Variants in FANCC observed in about 807,000 individuals in gnomAD.
FANCC encodes the protein FA complementation group C.
A neutral mutation model predicts 71.3 loss-of-function variants in FANCC; 55 were observed. The observed-to-expected ratio is 0.77, with a 90% CI of 0.62 to 0.97. The LOEUF is 0.97. FANCC is among the 50% of genes least tolerant of loss of function. FANCC has a pLI of 0.00. For synonymous variants in FANCC, 275 were observed against 244.9 expected, an observed-to-expected ratio of 1.12 and a Z score of -1.15; for missense variants, 678 against 670.9, an observed-to-expected ratio of 1.01 and a Z score of -0.12.
At chr9:95,195,123 G>A (rs907148445) in intron 4 of FANCC, among the ~76,000 whole-genome samples, 2 of 150,348 alleles carry the variant, frequency 1.3e-5, no homozygotes, top group Non-Finnish European at 2.9e-5. Flanking sequence ...ACTTGAACCC[G>A]GGAGGCAGAG....
intron 4 of FANCC, among the ~76,000 whole-genome samples, chr9:95,209,107 A>G (rs1440299125): frequency 2.0e-5 from 3 of 152,334 alleles, no homozygotes; most frequent in African/African-American, 7.2e-5. Flanking sequence ...TGATATTACT[A>G]AATGAAAGAA....
At chr9:95,139,834 T>TTATA (rs539221326) in intron 7 of FANCC, among the ~76,000 whole-genome samples, 35 of 143,158 alleles carry the variant, frequency 2.4e-4, no homozygotes, top group South Asian at 1.3e-3. Flanking sequence ...ATATATATAT[T>TTATA]TATATATATA....
At chr9:95,157,606 T>C (rs1830520088) in intron 6 of FANCC, among the ~76,000 whole-genome samples, 1 of 152,226 alleles carries the variant, frequency 6.6e-6, no homozygotes, top group Non-Finnish European at 1.5e-5. Flanking sequence ...AGAAATTATT[T>C]GGAAGTGCTG....
chr9:95,210,268 G>T (rs1051743847), intron 4 of FANCC, among the ~76,000 whole-genome samples: 1 of 152,102 alleles, frequency 6.6e-6, no homozygotes, highest in African/African-American at 2.4e-5. Context: ...CAGTTATGTG[G>T]ATGATATTGA....
At chr9:95,282,909 T>A (rs1833455576) in intron 1 of FANCC, among the ~76,000 whole-genome samples, 1 of 151,960 alleles carries the variant, frequency 6.6e-6, no homozygotes, top group Non-Finnish European at 1.5e-5. Context: ...ACATACCAAA[T>A]CCTATGGGAT....
chr9:95,298,574 C>G (rs1372032925), intron 1 of FANCC, among the ~76,000 whole-genome samples: 1 of 152,132 alleles, frequency 6.6e-6, no homozygotes, highest in Non-Finnish European at 1.5e-5. Context: ...GATATGGGAG[C>G]AAAGGATGGC....
At chr9:95,153,645 T>A (rs1483113503) in intron 6 of FANCC, among the ~76,000 whole-genome samples, 2 of 152,178 alleles carry the variant, frequency 1.3e-5, no homozygotes, top group Non-Finnish European at 2.9e-5. Context: ...ATCTATCATA[T>A]CCTTTGCCCA....
chr9:95,287,164 T>C (rs746052954), intron 1 of FANCC, among the ~76,000 whole-genome samples: 76 of 152,184 alleles, frequency 5.0e-4, no homozygotes, highest in Non-Finnish European at 4.7e-4. Context: ...CCAAATATCT[T>C]GCCCAAGGTT....
chr9:95,122,255 A>G (rs1303551392), intron 10 of FANCC, among the ~76,000 whole-genome samples: 2 of 152,164 alleles, frequency 1.3e-5, no homozygotes, highest in South Asian at 2.1e-4. Context: ...GTTTACAGAT[A>G]CTCATTTTAT....
rs148261205 is a variant in FANCC, at chr9:95,110,425, C to CTTAA, written c.1329+1037_1329+1038insTTAA. The CTTAA allele has an allele frequency of 4.8e-3, 4,880 of 1,026,252 alleles. 177 individuals are homozygous for CTTAA. The African/African-American group carries it at 0.078, about 16-fold the overall frequency. 63.6% of individuals were successfully genotyped at this position (1,026,252 alleles called of 1,614,324 possible). A position where few individuals can be genotyped will look rare whatever the true frequency, so the allele number is the denominator to read the frequency against. On this transcript the variant is annotated intron_variant, in intron 13 of 14. Coordinates refer to ENST00000289081, the MANE Select transcript of FANCC (RefSeq NM_000136.3). ...GTTAAAAACATCAACCAGGATTTTC[C>CTTAA]TTAGCTTAACGTGATCTTTTAAAGG...
rs543595488 is a variant in FANCC at position 95,281,862 on chromosome 9, G to T, written c.-78-32493C>A. The stretch of plus-strand genomic sequence containing the variant: ...TAAAATAACCTTTTATAACTATAAG[G>T]CATACTTTTATAAGTCCCATGGTAA... On this transcript the variant is annotated intron_variant, in intron 1 of 14. Coordinates refer to ENST00000289081, the MANE Select transcript of FANCC (RefSeq NM_000136.3). Among the ~76,000 whole-genome samples, 5 of 150,308 alleles carry T rather than the reference G, an allele frequency of 3.3e-5. No homozygotes were observed. The East Asian group carries it at 9.7e-4, about 29-fold the overall frequency.
chr9:95,316,380 T>C lies in FANCC; in HGVS notation c.-79+1146A>G, dbSNP rs1295174560. Among the ~76,000 whole-genome samples, 3 of 152,222 alleles carry C rather than the reference T, an allele frequency of 2.0e-5. No individual in the cohort carries two copies. In the East Asian group the frequency reaches 5.8e-4, roughly 29 times the overall value. ...TTTCCATCTAAGCTTAGGTAATGAA[T>C]GATCTCAACACATGGTATGAATTCT... On this transcript the variant is annotated intron_variant, in intron 1 of 14. Transcript: ENST00000289081.
intron 4 of FANCC, chr9:95,186,571 T>C (rs1249275385): frequency 1.3e-5 from 2 of 152,250 alleles, no homozygotes; most frequent in Admixed American, 1.3e-4. Flanking sequence ...CTTGTGTGGC[T>C]GCTACAGAAA....
chr9:95,118,303 G>A (rs773874953), intron 10 of FANCC, among the ~76,000 whole-genome samples: 2 of 152,246 alleles, frequency 1.3e-5, no homozygotes, highest in Admixed American at 6.5e-5. Context: ...ATAGTCATGA[G>A]CCACTGAGCC....
At chr9:95,289,266 T>C (rs916185394) in intron 1 of FANCC, among the ~76,000 whole-genome samples, 1 of 152,174 alleles carries the variant, frequency 6.6e-6, no homozygotes, top group African/African-American at 2.4e-5. Flanking sequence ...CAGAAGCACA[T>C]ATAATTCTAA....
intron 4 of FANCC, among the ~76,000 whole-genome samples, chr9:95,176,679 C>T (rs1826029030): frequency 6.6e-6 from 1 of 152,282 alleles, no homozygotes; most frequent in Admixed American, 6.5e-5. Flanking sequence ...AATTAAGCCA[C>T]CCATAAACAG....
In FANCC at chr9:95,111,483, G is replaced by A. The variant is rs944083227; in HGVS notation, c.1309C>T (p.Gln437Ter). Residue 437 changes from glutamine to a stop codon, truncating the protein, a stop_gained, in exon 13 of 15, where the codon CAG becomes TAG. Transcript: ENST00000289081. LOFTEE classifies it high-confidence loss of function. ...AFYYGPRDGR[Q>*]QRAQTMVQVK... ...CCCACCATAGTCTGTGCTCTCTGCT[G>A]CCTCCCATCACGGGGGCCGTAGTAG... The A allele has an allele frequency of 4.3e-6, 7 of 1,613,512 alleles. No individual in the cohort carries two copies. Among genetic ancestry groups the A allele is most frequent in the African/African-American group, 1.3e-5 (1 of 74,932 alleles).
At chr9:95,293,924 C>G in intron 1 of FANCC, 1 of 1,590,234 alleles carries the variant, frequency 6.3e-7, no homozygotes, top group Non-Finnish European at 8.6e-7. Flanking sequence ...AATGTTGCTA[C>G]AAGTAACATT....
At chr9:95,296,976 G>T (rs530221287) in intron 1 of FANCC, among the ~76,000 whole-genome samples, 18 of 152,304 alleles carry the variant, frequency 1.2e-4, no homozygotes, top group Non-Finnish European at 1.3e-4. Context: ...AATAACATTA[G>T]TCATAGTCAC....
Sources: allele counts gnomAD v4.1 joint callset (sites outside exome capture counted in the v4.1 genomes callset), GRCh38; gene constraint gnomAD v4.1.1; transcripts MANE v1.5; gene names NCBI Gene and HGNC (gene_info 2026-07-23, HGNC 2026-07-21).